The following ANXA8 variants were observed in gnomAD, a reference collection of about 807,000 sequenced individuals.
ANXA8 encodes the protein annexin A8.
Under a neutral mutation model 26.8 loss-of-function variants are expected in ANXA8, and 9 were observed. The ratio of observed to expected loss-of-function variants is 0.34; its 90% CI spans 0.20 to 0.59. ANXA8 has a LOEUF of 0.59. ANXA8 is among the 20% of genes least tolerant of loss of function. The pLI is 0.84. For synonymous variants in ANXA8, 39 were observed against 94.8 expected (o/e 0.41, Z 3.42); for missense variants, 83 against 238.5 (o/e 0.35, Z 4.29).
At chr10:47,622,662 T>G in the ANXA8 span, among the ~76,000 whole-genome samples, 39,640 of 86,088 alleles carry the variant, frequency 0.46, 10,886 homozygotes, top group South Asian at 0.63. Context: ...TGGTTTAGTC[T>G]AGTGCCTGGC....
At chr10:47,521,470 C>T in the ANXA8 span, among the ~76,000 whole-genome samples, 1 of 139,732 alleles carries the variant, frequency 7.2e-6, no homozygotes. Context: ...ATTATCCTAC[C>T]TCTTTAAAAA....
At chr10:47,667,367 A>C in the ANXA8 span, among the ~76,000 whole-genome samples, 1 of 151,948 alleles carries the variant, frequency 6.6e-6, no homozygotes, top group Non-Finnish European at 1.5e-5. Flanking sequence ...ATCTATTGTT[A>C]GCCATTTCCC....
At chr10:47,585,094 A>T in the ANXA8 span, among the ~76,000 whole-genome samples, 1 of 144,858 alleles carries the variant, frequency 6.9e-6, no homozygotes, top group Non-Finnish European at 1.5e-5. Context: ...TCTCAAAAAA[A>T]ATAAAATAAA....
chr10:47,944,844 T>C, the ANXA8 span, among the ~76,000 whole-genome samples: 117,802 of 144,376 alleles, frequency 0.82, 47,115 homozygotes, highest in South Asian at 0.83. Flanking sequence ...ATACATCTCC[T>C]GACAGCCTGG....
the ANXA8 span, among the ~76,000 whole-genome samples, chr10:47,513,563 G>A: frequency 7.1e-6 from 1 of 140,840 alleles, no homozygotes; most frequent in Non-Finnish European, 1.5e-5. Context: ...GACCAAACAA[G>A]AACCGGCACA....
At chr10:47,620,567 A>G in the ANXA8 span, among the ~76,000 whole-genome samples, 1 of 97,224 alleles carries the variant, frequency 1.0e-5, no homozygotes, top group East Asian at 2.4e-4. Flanking sequence ...GTTTCATTTT[A>G]AGAAAAGAAA....
At chr10:47,723,695 C>G in the ANXA8 span, among the ~76,000 whole-genome samples, 3 of 136,770 alleles carry the variant, frequency 2.2e-5, no homozygotes, top group Middle Eastern at 6.8e-3. Flanking sequence ...TCTGTACATT[C>G]TGCCTGGATG....
the ANXA8 span, among the ~76,000 whole-genome samples, chr10:47,572,457 T>C: frequency 1.3e-5 from 2 of 150,346 alleles, no homozygotes; most frequent in Admixed American, 1.3e-4. Context: ...AGCTCATGCC[T>C]GTAATCCTAG....
At chr10:47,941,747 G>C in the ANXA8 span, among the ~76,000 whole-genome samples, 1 of 147,870 alleles carries the variant, frequency 6.8e-6, no homozygotes, top group South Asian at 2.1e-4. Flanking sequence ...TTTGTCATCA[G>C]TGAAGCAGGG....
At chr10:47,551,457 G>A in the ANXA8 span, among the ~76,000 whole-genome samples, 1 of 151,542 alleles carries the variant, frequency 6.6e-6, no homozygotes, top group South Asian at 2.1e-4. Flanking sequence ...AACATATCCA[G>A]AGGGAAAAAG....
At chr10:47,896,819 G>A in the ANXA8 span, among the ~76,000 whole-genome samples, 2 of 152,126 alleles carry the variant, frequency 1.3e-5, no homozygotes, top group African/African-American at 4.8e-5. Context: ...TCAAAGACAG[G>A]TATTCAAACA....
At chr10:47,733,209 C>CTTTTCTT in the ANXA8 span, among the ~76,000 whole-genome samples, 1 of 63,976 alleles carries the variant, frequency 1.6e-5, no homozygotes, top group African/African-American at 5.2e-5. Context: ...TTCTTTCTTT[C>CTTTTCTT]TTTCTTTCTT....
At chr10:47,940,804 G>A in the ANXA8 span, among the ~76,000 whole-genome samples, 3 of 142,596 alleles carry the variant, frequency 2.1e-5, 1 homozygote, top group Admixed American at 1.4e-4. Context: ...CTCCAGCTTA[G>A]GCGACAGAGT....
the ANXA8 span, among the ~76,000 whole-genome samples, chr10:47,668,109 T>C: frequency 1.3e-5 from 2 of 150,024 alleles, no homozygotes; most frequent in Non-Finnish European, 3.0e-5. Flanking sequence ...ATTTCACTGG[T>C]TTTTTTTCCT....
the ANXA8 span, among the ~76,000 whole-genome samples, chr10:47,664,734 T>C: frequency 6.8e-6 from 1 of 146,180 alleles, no homozygotes; most frequent in Non-Finnish European, 1.5e-5. Context: ...TTTTTTGTTG[T>C]TGCTTATTTT....
the ANXA8 span, among the ~76,000 whole-genome samples, chr10:47,719,347 G>T: frequency 7.2e-6 from 1 of 138,374 alleles, no homozygotes; most frequent in Middle Eastern, 3.6e-3. Context: ...TTTTAGTAGA[G>T]ACAGGGTTTC....
the ANXA8 span, among the ~76,000 whole-genome samples, chr10:47,747,607 GGTAAACCC>G: frequency 7.1e-6 from 1 of 141,650 alleles, no homozygotes. Context: ...CAGATGACAT[GGTAAACCC>G]TCCCTTGAGA....
At chr10:47,907,079 G>A in the ANXA8 span, among the ~76,000 whole-genome samples, 22 of 151,640 alleles carry the variant, frequency 1.5e-4, no homozygotes, top group African/African-American at 4.4e-4. Flanking sequence ...GATCCAGGCC[G>A]GGCGCGGTGG....
At chr10:47,514,216 A>C in the ANXA8 span, among the ~76,000 whole-genome samples, 1 of 148,412 alleles carries the variant, frequency 6.7e-6, no homozygotes, top group South Asian at 2.1e-4. Flanking sequence ...CCCATCAGTC[A>C]ATGAGCGGAT....
Sources: gnomAD v4.1 joint callset for allele counts (sites outside exome capture counted in the v4.1 genomes callset) on GRCh38, gnomAD v4.1.1 for gene constraint, MANE v1.5 for transcripts, NCBI Gene and HGNC (gene_info 2026-07-23, HGNC 2026-07-21) for gene names.